ABCC6: variants seen among roughly 807,000 people sequenced by gnomAD.
The protein encoded by ABCC6 is ATP binding cassette subfamily C member 6.
A neutral mutation model predicts 169.5 loss-of-function variants in ABCC6; 126 were observed. The observed-to-expected ratio is 0.74, with a 90% CI of 0.64 to 0.86. ABCC6 has a LOEUF of 0.86. ABCC6 is among the 40% of genes least tolerant of loss of function. The pLI is 0.00. For missense variants in ABCC6, 1,733 were observed against 1,927.2 expected (o/e 0.90, Z 1.89); for synonymous variants, 752 against 814.7 (o/e 0.92, Z 1.31).
intron 27 of ABCC6, among the ~76,000 whole-genome samples, chr16:16,156,358 T>G (rs1186820823): frequency 6.6e-6 from 1 of 152,106 alleles, no homozygotes; most frequent in Non-Finnish European, 1.5e-5. Flanking sequence ...GCTTGAAGGA[T>G]CAATAGGAGT....
Position 16,190,199 on chromosome 16 carries a change from CAG to C in ABCC6, c.1598_1599del (p.Ser533CysfsTer66). 1.2e-6 allele frequency: 2 copies of C among 1,614,060 alleles called. No individual in the cohort carries two copies. Among genetic ancestry groups the C allele is most frequent in the South Asian group, 2.2e-5 (2 of 91,066 alleles). On this transcript the variant is annotated frameshift_variant, in exon 12 of 31. Transcript: ENST00000205557. LOFTEE classifies it high-confidence loss of function. ...GALRTSGLLFSVSLVSFQVST... is the reference protein window; with the variant it reads ...GALRTSGLLFXVSLVSFQVST... ...GACACTTGGAAGGACACCAGCGACA[CAG>C]AGAAGAGGAGGCCGGAGGTCCGCAA...
At chr16:16,155,058 G>C in intron 27 of ABCC6, 27 bp from the exon 28 acceptor site, 1 of 1,544,298 alleles carries the variant, frequency 6.5e-7, no homozygotes, top group Non-Finnish European at 8.7e-7. Flanking sequence ...GGAAAGGCCT[G>C]CTCTGACCAG....
intron 29 of ABCC6, 112 bp from the exon 30 acceptor site, chr16:16,150,884 T>C: frequency 1.3e-6 from 2 of 1,529,734 alleles, no homozygotes; most frequent in African/African-American, 2.7e-5. Context: ...GTGCCTGTGT[T>C]CAGGCATCCC....
Position 16,169,747 on chromosome 16 carries a change from C to G in ABCC6, c.2894G>C (p.Gly965Ala). 1.2e-6 allele frequency: 2 copies of G among 1,606,300 alleles called. No homozygotes were observed. Among genetic ancestry groups the G allele is most frequent in the South Asian group, 2.2e-5 (2 of 89,888 alleles). Residue 965 changes from glycine to alanine, a missense_variant, in exon 22 of 31, where the codon GGC becomes GCC. Gly to Ala is a moderately conservative substitution (Grantham distance 60, BLOSUM62 0). Transcript: ENST00000205557. The part of the protein sequence containing the change: ...LCQQVASFCR[G>A]YWLSLWADDP... ...GTCCGCCCACAGGCTCAGCCAGTAG[C>G]CCCGGCAGAAGGAGGCCACTTGCTG...
At chr16:16,195,636 C>T (rs1411514967) in intron 10 of ABCC6, among the ~76,000 whole-genome samples, 4 of 151,934 alleles carry the variant, frequency 2.6e-5, no homozygotes, top group South Asian at 2.1e-4. Context: ...TTTTTAGCAA[C>T]GGTGGGGTCA....
At position 16,194,169 on chromosome 16, in the gene ABCC6, T is replaced by A. The variant is rs75398253; in HGVS notation, c.1339-1247A>T. 5.1e-3 allele frequency among the ~76,000 whole-genome samples: 779 copies of A among 152,354 alleles called. 5 individuals carry two copies. Among genetic ancestry groups the A allele is most frequent in the Middle Eastern group, 0.017 (5 of 294 alleles). On this transcript the variant is annotated intron_variant, in intron 10 of 30. Coordinates refer to ENST00000205557, the MANE Select transcript of ABCC6 (RefSeq NM_001171.6). ...GTGGCCTTGGGGCAAGTCATCTCCC[T>A]TAGGTGCAATTCTCTTGTCTGCAAA...
At chr16:16,156,743 TAGC>T (rs2046563280) in intron 27 of ABCC6, among the ~76,000 whole-genome samples, 1 of 151,776 alleles carries the variant, frequency 6.6e-6, no homozygotes, top group Non-Finnish European at 1.5e-5. Context: ...AGAAGTTTCA[TAGC>T]AGCCTGGCCA....
chr16:16,211,687 TG>T (rs1218315356), intron 6 of ABCC6, among the ~76,000 whole-genome samples: 2 of 152,224 alleles, frequency 1.3e-5, no homozygotes, highest in African/African-American at 4.8e-5. Context: ...CCTTGTGAGC[TG>T]GCCCTGGAGA....
chr16:16,185,201 C>A (rs1447865184), intron 14 of ABCC6, among the ~76,000 whole-genome samples, 167 bp from the exon 15 acceptor site: 1 of 152,324 alleles, frequency 6.6e-6, no homozygotes, highest in East Asian at 1.9e-4. Context: ...GTGGGTGACC[C>A]CGCAGGGTTC....
chr16:16,161,411 A>G, intron 25 of ABCC6, 27 bp downstream of exon 25: 1 of 1,613,562 alleles, frequency 6.2e-7, no homozygotes, highest in South Asian at 1.1e-5. Flanking sequence ...CTGTCCCTCA[A>G]GCCCAGTTTG....
At chr16:16,151,322 C>T (rs1336794675) in intron 29 of ABCC6, among the ~76,000 whole-genome samples, 4 of 152,202 alleles carry the variant, frequency 2.6e-5, no homozygotes, top group Non-Finnish European at 5.9e-5. Flanking sequence ...TCCCAAAGTG[C>T]TGGGATTACA....
intron 6 of ABCC6, among the ~76,000 whole-genome samples, chr16:16,209,707 G>C (rs761328724): frequency 2.0e-5 from 3 of 151,868 alleles, no homozygotes; most frequent in African/African-American, 7.3e-5. Flanking sequence ...TGGCTCAAGC[G>C]ATTCTCACGC....
In ABCC6 at chr16:16,173,173, G is replaced by A. The variant is rs73509111; in HGVS notation, c.2787+111C>T. 3,210 of 1,444,758 alleles carry A rather than the reference G, an allele frequency of 2.2e-3. 37 individuals carry two copies. The African/African-American group carries it at 0.026, about 12-fold the overall frequency. 89.5% of individuals were successfully genotyped at this position (1,444,758 alleles called of 1,614,324 possible). A position where few individuals can be genotyped will look rare whatever the true frequency, so the allele number is the denominator to read the frequency against. ...TCTAGAATGCTACTGGCACATAGTA[G>A]GTGCTCAAGAAAGGTGAGTATCACT... On this transcript the variant is annotated intron_variant, in intron 21 of 30. Coordinates refer to ENST00000205557, the MANE Select transcript of ABCC6 (RefSeq NM_001171.6).
At position 16,174,759 on chromosome 16, in the gene ABCC6, A is replaced by ACCCCC. The variant is rs200038324; in HGVS notation, c.2666+1151_2666+1152insGGGGG. On this transcript the variant is annotated intron_variant, in intron 20 of 30. Coordinates refer to ENST00000205557, the MANE Select transcript of ABCC6 (RefSeq NM_001171.6). Reference sequence around the variant, plus strand: ...GCGACAGAGCAAGATTCTGTCTCAAAACCCCCCCCCGCAAAAAACAAAAAA... The same window carrying ACCCCC: ...GCGACAGAGCAAGATTCTGTCTCAAACCCCCACCCCCCCCCGCAAAAAACAAAAAA... Among the ~76,000 whole-genome samples, 79 of 84,412 alleles carry ACCCCC rather than the reference A, an allele frequency of 9.4e-4. 1 individual carries two copies. Among genetic ancestry groups the ACCCCC allele is most frequent in the East Asian group, 6.2e-3 (5 of 812 alleles). The allele number at this position is 84,412 out of a possible 152,430, so 55.4% of individuals were successfully genotyped here. A position where few individuals can be genotyped will look rare whatever the true frequency, so the allele number is the denominator to read the frequency against.
chr16:16,150,258 G>A lies in ABCC6; in HGVS notation c.4404-17C>T, dbSNP rs751418161. 1 of 1,613,842 alleles carries A rather than the reference G, an allele frequency of 6.2e-7. No homozygotes were observed. The highest frequency in any genetic ancestry group is 1.3e-5 in the African/African-American group (1 of 75,060). On this transcript the variant is annotated splice_polypyrimidine_tract_variant and intron_variant, in intron 30 of 30. Transcript: ENST00000205557. ...ACCAGAACCCTGTGGGGGAGAGGGA[G>A]ACAGAGAGGCTCTTTGGACACCAGC...
rs561045285 is a variant in ABCC6, at chr16:16,216,076, C to T, written c.475-1627G>A. 1.8e-4 allele frequency among the ~76,000 whole-genome samples: 27 copies of T among 152,100 alleles called. No homozygotes were observed. In the East Asian group the frequency reaches 2.3e-3, roughly 13 times the overall value. On this transcript the variant is annotated intron_variant, in intron 4 of 30. Transcript: ENST00000205557. ...CTGAGATTACAGATGTGTGCCAGCA[C>T]GCCTGGCTACTTTTTTTGTATTTTT...
chr16:16,174,762 C>A (rs548037773), intron 20 of ABCC6, among the ~76,000 whole-genome samples: 2 of 92,058 alleles, frequency 2.2e-5, no homozygotes, highest in Non-Finnish European at 5.2e-5. Context: ...GTCTCAAAAC[C>A]CCCCCCCGCA....
At chr16:16,150,479 C>T in intron 30 of ABCC6, 99 bp downstream of exon 30, 3 of 1,515,186 alleles carry the variant, frequency 2.0e-6, no homozygotes, top group East Asian at 2.4e-5. Flanking sequence ...CAGGACCCCT[C>T]CAGCTCTAAC....
intron 17 of ABCC6, among the ~76,000 whole-genome samples, chr16:16,179,943 T>A (rs2047415678): frequency 6.6e-6 from 1 of 152,182 alleles, no homozygotes; most frequent in African/African-American, 2.4e-5. Context: ...TCATGCAGTA[T>A]CAGTGGGAGC....
Sources: allele counts gnomAD v4.1 joint callset (sites outside exome capture counted in the v4.1 genomes callset), GRCh38; gene constraint gnomAD v4.1.1; transcripts MANE v1.5; gene names NCBI Gene and HGNC (gene_info 2026-07-23, HGNC 2026-07-21).